KCND3: variants seen among roughly 807,000 people sequenced by gnomAD.
KCND3 encodes A-type voltage-gated potassium channel KCND3.
A neutral mutation model predicts 51.1 loss-of-function variants in KCND3; 9 were observed. The ratio of observed to expected loss-of-function variants is 0.18; its 90% CI spans 0.11 to 0.31. The LOEUF (loss-of-function observed/expected upper bound fraction) is 0.31. Ranked by LOEUF, KCND3 falls within the 10% of genes least tolerant of loss-of-function variation. The pLI is 1.00. For synonymous variants in KCND3, 349 were observed against 368.0 expected (o/e 0.95, Z 0.59); for missense variants, 526 against 903.8 (o/e 0.58, Z 5.36).
chr1:111,820,829 G>T (rs945962085), intron 2 of KCND3, among the ~76,000 whole-genome samples: 1 of 152,184 alleles, frequency 6.6e-6, no homozygotes, highest in Non-Finnish European at 1.5e-5. Context: ...ACAGACACAG[G>T]GGGGTGACGG....
intron 2 of KCND3, among the ~76,000 whole-genome samples, chr1:111,803,091 C>T (rs1473807655): frequency 2.0e-5 from 3 of 152,204 alleles, no homozygotes; most frequent in Admixed American, 2.0e-4. Flanking sequence ...AGGGCCCCTT[C>T]GGCCTCTATC....
intron 2 of KCND3, among the ~76,000 whole-genome samples, chr1:111,787,584 C>T (rs2101496741): frequency 6.6e-6 from 1 of 152,250 alleles, no homozygotes. Flanking sequence ...AAAGGGTCAG[C>T]AGGACTGGAC....
chr1:111,890,710 G>A (rs1333547011), intron 2 of KCND3, among the ~76,000 whole-genome samples: 1 of 152,184 alleles, frequency 6.6e-6, no homozygotes, highest in Non-Finnish European at 1.5e-5. Flanking sequence ...TCCTGCCCAG[G>A]AAGGAGAAGA....
intron 2 of KCND3, among the ~76,000 whole-genome samples, chr1:111,874,801 G>A (rs1033744245): frequency 2.6e-5 from 4 of 152,118 alleles, no homozygotes; most frequent in Admixed American, 2.0e-4. Flanking sequence ...CCCACTGACT[G>A]CCACATGGAT....
chr1:111,967,188 T>C (rs1244125511), intron 2 of KCND3, among the ~76,000 whole-genome samples: 1 of 136,926 alleles, frequency 7.3e-6, no homozygotes. Flanking sequence ...AAAAACGGGG[T>C]CGGGGGGTAA....
In KCND3 at chr1:111,780,264, G is replaced by C; in HGVS notation, c.1422C>G (p.Ser474Arg). ...HMGKTTSLIESQHHHLLHCLE... is the reference protein window; with the variant it reads ...HMGKTTSLIERQHHHLLHCLE... The stretch of plus-strand genomic sequence containing the variant: ...GGCAGTGCAGCAGGTGATGATGCTG[G>C]CTCTCGATGAGTGAGGTGGTCTTGC... Residue 474 changes from serine (S) to arginine (R), a missense_variant, in exon 5 of 8, where the codon AGC (serine) becomes AGG (arginine). Around this residue, in one of 5 missense-constraint regions of KCND3, gnomAD observed 266 missense variants for 305.5 expected, o/e 0.87. Coordinates refer to ENST00000302127, the MANE Select transcript of KCND3 (RefSeq NM_001378969.1). The surrounding 1 kb of genome is among the most constrained non-coding windows in gnomAD (Gnocchi z 4.2). 6.3e-7 allele frequency: 1 copy of C among 1,589,248 alleles called. No homozygotes were observed. Among genetic ancestry groups the C allele is most frequent in the South Asian group, 1.2e-5 (1 of 86,822 alleles).
At chr1:111,933,430 G>A (rs1326321597) in intron 2 of KCND3, among the ~76,000 whole-genome samples, 2 of 152,166 alleles carry the variant, frequency 1.3e-5, no homozygotes, top group East Asian at 3.8e-4. Flanking sequence ...GGAGGTCAGG[G>A]GCAGAGTCCA....
In KCND3 at chr1:111,780,416, A is replaced by AT; in HGVS notation, c.1372-103_1372-102insA. ...AGGTCAAAGGGCAATAGAATAATCA[A>AT]ATTTTTTTTTATTTGACCAAATTTC... On this transcript the variant is annotated intron_variant, in intron 4 of 7. Coordinates refer to ENST00000302127, the MANE Select transcript of KCND3 (RefSeq NM_001378969.1). This position sits in a 1 kb window ranked among gnomAD's most constrained non-coding sequence, Gnocchi z 4.2. 1.6e-6 allele frequency: 2 copies of AT among 1,235,684 alleles called. No homozygotes were observed. The highest frequency in any genetic ancestry group is 2.3e-6 in the Non-Finnish European group (2 of 862,134). 76.5% of individuals were successfully genotyped at this position (1,235,684 alleles called of 1,614,324 possible). A position where few individuals can be genotyped will look rare whatever the true frequency, so the allele number is the denominator to read the frequency against.
chr1:111,882,646 G>A (rs1399775565), intron 2 of KCND3, among the ~76,000 whole-genome samples: 1 of 152,214 alleles, frequency 6.6e-6, no homozygotes, highest in African/African-American at 2.4e-5. Flanking sequence ...GGGCGAGGGT[G>A]TGGGGGATGG....
At chr1:111,918,650 G>C (rs1671338489) in intron 2 of KCND3, among the ~76,000 whole-genome samples, 1 of 152,116 alleles carries the variant, frequency 6.6e-6, no homozygotes, top group South Asian at 2.1e-4. Flanking sequence ...AAAGAGTGGT[G>C]ATAGAAAGCA....
At chr1:111,837,979 G>A (rs1290400180) in intron 2 of KCND3, among the ~76,000 whole-genome samples, 2 of 152,152 alleles carry the variant, frequency 1.3e-5, no homozygotes, top group South Asian at 2.1e-4. Flanking sequence ...TTCTCATCAT[G>A]TCATACCGAG....
At chr1:111,939,506 G>A (rs1453582829) in intron 2 of KCND3, among the ~76,000 whole-genome samples, 1 of 152,126 alleles carries the variant, frequency 6.6e-6, no homozygotes, top group Non-Finnish European at 1.5e-5. Flanking sequence ...CGTGTTTGCT[G>A]AGAATGATGG....
chr1:111,794,825 CTAT>C (rs1664987138), intron 2 of KCND3, among the ~76,000 whole-genome samples: 2 of 152,236 alleles, frequency 1.3e-5, no homozygotes, highest in Non-Finnish European at 2.9e-5. Flanking sequence ...TGAGTAGACA[CTAT>C]TATTATCCCC....
intron 2 of KCND3, among the ~76,000 whole-genome samples, chr1:111,787,721 A>G (rs1664667135): frequency 6.6e-6 from 1 of 152,188 alleles, no homozygotes; most frequent in Non-Finnish European, 1.5e-5. Context: ...GAGTAACAGA[A>G]TCTCATTTAT....
Position 111,775,874 on chromosome 1 carries a change from C to A in KCND3, c.*203G>T. 1 of 382,636 alleles carries A rather than the reference C, an allele frequency of 2.6e-6. No homozygotes were observed. The allele number at this position is 382,636 out of a possible 1,614,324, so 23.7% of individuals were successfully genotyped here. A position where few individuals can be genotyped will look rare whatever the true frequency, so the allele number is the denominator to read the frequency against. On this transcript the variant is annotated 3_prime_UTR_variant, in exon 8 of 8. Transcript: ENST00000302127. ...CCCAGTGAGATGCAGTATCACAGGG[C>A]TATGTCCACGCTAGCAGCGTGAACC...
At chr1:111,938,109 C>T (rs948678846) in intron 2 of KCND3, among the ~76,000 whole-genome samples, 1 of 152,148 alleles carries the variant, frequency 6.6e-6, no homozygotes, top group South Asian at 2.1e-4. Flanking sequence ...TGACTTAAGC[C>T]CTCATAAAAA....
intron 2 of KCND3, among the ~76,000 whole-genome samples, chr1:111,908,551 A>C (rs1670760421): frequency 6.6e-6 from 1 of 152,170 alleles, no homozygotes; most frequent in Admixed American, 6.5e-5. Context: ...TAAAATTCAG[A>C]GTTAGGTCTT....
At chr1:111,861,597 C>T (rs530839754) in intron 2 of KCND3, among the ~76,000 whole-genome samples, 3 of 152,248 alleles carry the variant, frequency 2.0e-5, no homozygotes, top group African/African-American at 4.8e-5. Flanking sequence ...GGGGGCCCAC[C>T]GGCAGTGGAA....
At chr1:111,812,564 T>C (rs558272499) in intron 2 of KCND3, among the ~76,000 whole-genome samples, 1 of 152,376 alleles carries the variant, frequency 6.6e-6, no homozygotes, top group African/African-American at 2.4e-5. Context: ...CTAAGCACTT[T>C]CTTCACGTGG....
Sources: gnomAD v4.1 joint callset for allele counts (sites outside exome capture counted in the v4.1 genomes callset) on GRCh38, gnomAD v4.1.1 for gene constraint, gnomAD v4.1.1 regional missense constraint, Gnocchi (gnomAD v3.1) non-coding constraint, MANE v1.5 for transcripts, NCBI Gene and HGNC (gene_info 2026-07-23, HGNC 2026-07-21) for gene names.